The following MARCHF1 variants were observed in gnomAD, a reference collection of about 807,000 sequenced individuals.
MARCHF1 encodes the protein membrane associated ring-CH-type finger 1.
MARCHF1 carries 40 observed loss-of-function variants against 54.2 expected under a neutral mutation model. That is an observed-to-expected ratio of 0.74 (90% confidence interval 0.57 to 0.96). The LOEUF (loss-of-function observed/expected upper bound fraction) is 0.96, where lower values mean the gene tolerates loss of function less well. MARCHF1 is among the 40% of genes least tolerant of loss of function. The pLI, the probability that MARCHF1 is intolerant of heterozygous loss-of-function variation, is 0.00. For synonymous variants in MARCHF1, 236 were observed against 236.3 expected (o/e 1.00, Z 0.01); for missense variants, 586 against 656.5 (o/e 0.89, Z 1.17).
At chr4:164,350,006 T>C (rs569102215) in intron 1 of MARCHF1, among the ~76,000 whole-genome samples, 5 of 152,310 alleles carry the variant, frequency 3.3e-5, no homozygotes, top group Non-Finnish European at 5.9e-5. Context: ...CATTACAAAA[T>C]TGAGGTCATA....
intron 1 of MARCHF1, among the ~76,000 whole-genome samples, chr4:164,301,064 C>A (rs4289403): frequency 0.28 from 41,937 of 151,942 alleles, 7,603 homozygotes; most frequent in African/African-American, 0.52. Flanking sequence ...TTTTTAAAGA[C>A]ACTATAAATT....
At chr4:163,568,742 C>T (rs533220992) in intron 8 of MARCHF1, among the ~76,000 whole-genome samples, 65 of 152,170 alleles carry the variant, frequency 4.3e-4, no homozygotes, top group African/African-American at 1.5e-3. Context: ...GATCATCTTC[C>T]ACATTTAAGG....
chr4:164,030,100 T>C (rs1039196301), intron 2 of MARCHF1, among the ~76,000 whole-genome samples: 7 of 152,166 alleles, frequency 4.6e-5, no homozygotes, highest in Non-Finnish European at 8.8e-5. Context: ...TATCTGTTAA[T>C]GTTTCTTCTA....
In MARCHF1 at chr4:164,220,301, AATATATATAGGAATTC is replaced by A. The variant is rs1172715419; in HGVS notation, c.-322-108655_-322-108640del. The stretch of plus-strand genomic sequence containing the variant: ...ATAATGGAATTCATATATATATATG[AATATATATAGGAATTC>A]ATATATATATAGGAATTCCATTATA... On this transcript the variant is annotated intron_variant, in intron 1 of 9. Transcript: ENST00000514618. Among the ~76,000 whole-genome samples, 3 of 145,468 alleles carry A rather than the reference AATATATATAGGAATTC, an allele frequency of 2.1e-5. No homozygotes were observed. In the Admixed American group the frequency reaches 2.1e-4, roughly 10 times the overall value.
chr4:164,178,015 C>A (rs1221880162), intron 1 of MARCHF1, among the ~76,000 whole-genome samples: 1 of 152,134 alleles, frequency 6.6e-6, no homozygotes, highest in Non-Finnish European at 1.5e-5. Context: ...GAAATATGCT[C>A]TTTTATTGAT....
intron 1 of MARCHF1, among the ~76,000 whole-genome samples, chr4:164,142,201 C>A (rs1229389242): frequency 6.6e-6 from 1 of 152,198 alleles, no homozygotes; most frequent in African/African-American, 2.4e-5. Context: ...ATTGCTAGCA[C>A]AGCAGTCTGA....
At chr4:163,958,271 G>A (rs1752272287) in intron 3 of MARCHF1, among the ~76,000 whole-genome samples, 1 of 146,482 alleles carries the variant, frequency 6.8e-6, no homozygotes, top group African/African-American at 2.6e-5. Context: ...GTGTGTGTGT[G>A]TTTGGTCATT....
intron 1 of MARCHF1, among the ~76,000 whole-genome samples, chr4:164,379,034 A>G (rs2110982643): frequency 6.6e-6 from 1 of 152,318 alleles, no homozygotes; most frequent in South Asian, 2.1e-4. Context: ...ATTTTTATAT[A>G]CAATAACTAA....
chr4:163,555,672 A>G (rs1739260401), intron 8 of MARCHF1, among the ~76,000 whole-genome samples: 3 of 152,192 alleles, frequency 2.0e-5, no homozygotes, highest in Admixed American at 2.0e-4. Context: ...AGGATACTTA[A>G]TTATGGATTG....
At chr4:163,746,693 A>T (rs1179235084) in intron 4 of MARCHF1, among the ~76,000 whole-genome samples, 1 of 151,750 alleles carries the variant, frequency 6.6e-6, no homozygotes, top group Non-Finnish European at 1.5e-5. Context: ...CTTTTTCATG[A>T]TTTTTTTGGA....
At chr4:163,646,225 C>T (rs568734077) in intron 5 of MARCHF1, among the ~76,000 whole-genome samples, 63 of 146,428 alleles carry the variant, frequency 4.3e-4, no homozygotes, top group African/African-American at 1.6e-3. Flanking sequence ...ATGTTATATT[C>T]AAGAGGCTGA....
intron 3 of MARCHF1, among the ~76,000 whole-genome samples, chr4:163,872,984 C>G (rs926682419): frequency 2.0e-5 from 3 of 151,840 alleles, no homozygotes; most frequent in Admixed American, 6.6e-5. Flanking sequence ...GCGGAGCTTG[C>G]AGTGAGCCGA....
intron 4 of MARCHF1, among the ~76,000 whole-genome samples, chr4:163,748,840 A>G (rs140710931): frequency 2.0e-5 from 3 of 152,334 alleles, no homozygotes; most frequent in East Asian, 3.9e-4. Flanking sequence ...CAGAACAAAG[A>G]AGTACATATT....
chr4:164,066,190 A>C (rs887760332), intron 2 of MARCHF1, among the ~76,000 whole-genome samples: 1 of 148,684 alleles, frequency 6.7e-6, no homozygotes, highest in South Asian at 2.2e-4. Flanking sequence ...GAAAAAAAAA[A>C]CTCCATTAAA....
chr4:164,070,808 T>C (rs1332856566), intron 2 of MARCHF1, among the ~76,000 whole-genome samples: 1 of 152,208 alleles, frequency 6.6e-6, no homozygotes, highest in Non-Finnish European at 1.5e-5. Flanking sequence ...AATATGTAAT[T>C]GATAGAGTTT....
At chr4:164,079,137 A>G (rs1345309455) in intron 2 of MARCHF1, among the ~76,000 whole-genome samples, 2 of 152,060 alleles carry the variant, frequency 1.3e-5, no homozygotes, top group East Asian at 3.8e-4. Flanking sequence ...TGTGTTCCTA[A>G]TGAATTATTA....
In MARCHF1 at chr4:163,903,906, T is replaced by A. The variant is rs572373221; in HGVS notation, c.-38-49737A>T. On this transcript the variant is annotated intron_variant, in intron 3 of 9. Coordinates refer to ENST00000514618, the MANE Select transcript of MARCHF1 (RefSeq NM_001394959.1). ...TCTAGTATTACAGGCATGAGCCACC[T>A]CGCCTGGCCATAAACTTAAATTGTG... is the stretch of plus-strand genomic sequence containing the variant. 1.5e-4 allele frequency among the ~76,000 whole-genome samples: 23 copies of A among 152,238 alleles called. No individual in the cohort carries two copies. In the East Asian group the frequency reaches 3.7e-3, roughly 24 times the overall value.
intron 3 of MARCHF1, among the ~76,000 whole-genome samples, chr4:163,970,897 C>T (rs1752534798): frequency 6.6e-6 from 1 of 152,166 alleles, no homozygotes; most frequent in South Asian, 2.1e-4. Context: ...ACCTTGGTGG[C>T]CCATTTCTTA....
chr4:164,212,545 G>C (rs1312825211), intron 1 of MARCHF1, among the ~76,000 whole-genome samples: 2 of 152,078 alleles, frequency 1.3e-5, no homozygotes, highest in African/African-American at 4.8e-5. Flanking sequence ...AGATGTGTTT[G>C]TTTCAACATT....
Sources: allele counts gnomAD v4.1 joint callset (sites outside exome capture counted in the v4.1 genomes callset), GRCh38; gene constraint gnomAD v4.1.1; transcripts MANE v1.5; gene names NCBI Gene and HGNC (gene_info 2026-07-23, HGNC 2026-07-21).